The following PLD3 variants were observed in gnomAD, a reference collection of about 807,000 sequenced individuals.
The protein encoded by PLD3 is 5'-3' exonuclease PLD3.
A neutral mutation model predicts 58.4 loss-of-function variants in PLD3; 31 were observed. The ratio of observed to expected loss-of-function variants is 0.53; its 90% confidence interval spans 0.40 to 0.72. The LOEUF (loss-of-function observed/expected upper bound fraction) is 0.72. Ranked by LOEUF, PLD3 falls within the 30% of genes least tolerant of loss-of-function variation. The probability of loss-of-function intolerance (pLI) is 0.00; values close to 1 mark genes in which losing one functional copy is unlikely to be tolerated. For synonymous variants in PLD3, 264 were observed against 273.4 expected, an observed-to-expected ratio of 0.97 and a Z score of 0.34; for missense variants, 595 against 659.8, an observed-to-expected ratio of 0.90 and a Z score of 1.08.
At chr19:40,364,664 C>T (rs945195976) in intron 1 of PLD3, among the ~76,000 whole-genome samples, 1 of 151,736 alleles carries the variant, frequency 6.6e-6, no homozygotes, top group Non-Finnish European at 1.5e-5. Context: ...GGCATGGTGG[C>T]GGGCGCCTGT....
chr19:40,366,691 G>A lies in PLD3; in HGVS notation c.102+7G>A, dbSNP rs773794102. ...GTGGAAGGCTGCGGAAAAGGTAGGAGCCCTCCGCCACCCTCGCTCTGTCTC... is the reference window on the plus strand; with the variant it reads ...GTGGAAGGCTGCGGAAAAGGTAGGAACCCTCCGCCACCCTCGCTCTGTCTC... On this transcript the variant is annotated splice_region_variant and intron_variant, in intron 4 of 12. Coordinates refer to ENST00000409735, the MANE Select transcript of PLD3 (RefSeq NM_012268.4). The A allele has an allele frequency of 1.4e-5, 22 of 1,610,624 alleles. No individual in the cohort carries two copies. Among genetic ancestry groups the A allele is most frequent in the Non-Finnish European group, 1.5e-5 (18 of 1,177,772 alleles).
chr19:40,353,554 T>C (rs952597847), intron 1 of PLD3, among the ~76,000 whole-genome samples: 3 of 152,054 alleles, frequency 2.0e-5, no homozygotes, highest in Non-Finnish European at 4.4e-5. Context: ...AAACTTACCA[T>C]GTTATTATTT....
intron 1 of PLD3, chr19:40,355,802 C>T (rs1359523253): frequency 2.0e-5 from 3 of 151,906 alleles, no homozygotes; most frequent in Non-Finnish European, 4.4e-5. Flanking sequence ...CTGGACCTGC[C>T]GTCATAGGTC....
chr19:40,349,963 A>C (rs1057237842), intron 1 of PLD3, among the ~76,000 whole-genome samples: 42 of 134,610 alleles, frequency 3.1e-4, no homozygotes, highest in African/African-American at 1.2e-3. Flanking sequence ...CGTCTCAAAA[A>C]AAAATAATAA....
chr19:40,373,196 C>T (rs1454205179), intron 9 of PLD3, among the ~76,000 whole-genome samples: 1 of 152,200 alleles, frequency 6.6e-6, no homozygotes, highest in Non-Finnish European at 1.5e-5. Flanking sequence ...GGGTCTTTCA[C>T]TACAAGGGCC....
chr19:40,371,868 C>T lies in PLD3; in HGVS notation c.874C>T (p.Leu292=). Residue 292 remains leucine, a synonymous_variant, in exon 9 of 13, where the codon CTG becomes TTG. Transcript: ENST00000409735. ...CAATGGAACCCCTGCTCTGGCCTAC[C>T]TGGCGGTGAGTCTGGGGCAAGTGGG... ...CLNGTPALAY[L]ASAPPPLCPS... 1.2e-6 allele frequency: 2 copies of T among 1,613,692 alleles called. No individual in the cohort carries two copies. Among genetic ancestry groups the T allele is most frequent in the Non-Finnish European group, 1.7e-6 (2 of 1,179,810 alleles).
chr19:40,366,557 G>A (rs757461243), intron 3 of PLD3, 47 bp downstream of exon 3: 1 of 1,593,978 alleles, frequency 6.3e-7, no homozygotes, highest in South Asian at 1.1e-5. Context: ...GTACAGTGGG[G>A]GTGGGGGTTC....
chr19:40,377,931 GA>G (rs772454335), intron 12 of PLD3, 46 bp downstream of exon 12: 1 of 1,612,682 alleles, frequency 6.2e-7, no homozygotes, highest in South Asian at 1.1e-5. Context: ...AGGGGGTTCA[GA>G]CACCAGGGGC....
In PLD3 at chr19:40,378,039, C is replaced by T; in HGVS notation, c.1339C>T (p.Leu447=). 1 of 1,613,766 alleles carries T rather than the reference C, an allele frequency of 6.2e-7. No individual in the cohort carries two copies. The highest frequency in any genetic ancestry group is 8.5e-7 in the Non-Finnish European group (1 of 1,179,802). The change falls in exon 13 of 13, where the codon CTG becomes TTG. Residue 447 remains leucine, a synonymous_variant. Coordinates refer to ENST00000409735, the MANE Select transcript of PLD3 (RefSeq NM_012268.4). ...YFTETAGTSL[L]VTQNGRGGLR... ...CACGGAGACGGCGGGCACCTCGCTG[C>T]TGGTGACGCAGAATGGGAGGGGCGG...
intron 5 of PLD3, chr19:40,367,429 A>G: frequency 2.7e-6 from 1 of 370,080 alleles, no homozygotes; most frequent in South Asian, 7.3e-5. Context: ...AAAAGTAAAA[A>G]AAGTAACCAG....
rs757965784 is a variant in PLD3 at position 40,371,719 on chromosome 19, G to T, written c.725G>T (p.Arg242Leu). ...VVMYNCSCLA[R>L]DLTKIFEAYW... is the part of the protein sequence containing the mutation. ...ATGTACAACTGCAGCTGCCTGGCTC[G>T]AGACCTGACCAAGATCTTTGAGGCC... The change falls in exon 9 of 13, where the codon CGA (arginine) becomes CTA (leucine). Residue 242 changes from arginine to leucine, a missense_variant. Coordinates refer to ENST00000409735, the MANE Select transcript of PLD3 (RefSeq NM_012268.4). 1 of 1,613,766 alleles carries T rather than the reference G, an allele frequency of 6.2e-7. No individual in the cohort carries two copies. The highest frequency in any genetic ancestry group is 1.7e-5 in the Admixed American group (1 of 59,992).
At chr19:40,371,105 C>T (rs1188943137) in intron 8 of PLD3, among the ~76,000 whole-genome samples, 2 of 152,160 alleles carry the variant, frequency 1.3e-5, no homozygotes, top group Non-Finnish European at 2.9e-5. Context: ...GAGGAATTAG[C>T]GCAAGATGGA....
At chr19:40,356,095 G>A (rs1264632635) in intron 1 of PLD3, 1 of 152,600 alleles carries the variant, frequency 6.6e-6, no homozygotes, top group African/African-American at 2.4e-5. Flanking sequence ...GAGGTGGTAT[G>A]TGAGCGGACA....
At chr19:40,363,001 G>A (rs1358474634) in intron 1 of PLD3, among the ~76,000 whole-genome samples, 1 of 152,082 alleles carries the variant, frequency 6.6e-6, no homozygotes, top group Non-Finnish European at 1.5e-5. Flanking sequence ...CTGGGCTCAA[G>A]CAGTCCTCTC....
At chr19:40,368,915 A>T (rs957697233) in intron 6 of PLD3, among the ~76,000 whole-genome samples, 1 of 151,986 alleles carries the variant, frequency 6.6e-6, no homozygotes, top group Non-Finnish European at 1.5e-5. Context: ...ACATAGCAAG[A>T]CCCTGTCTCA....
chr19:40,355,397 C>T (rs2078630621), intron 1 of PLD3, among the ~76,000 whole-genome samples: 1 of 151,834 alleles, frequency 6.6e-6, no homozygotes, highest in African/African-American at 2.4e-5. Flanking sequence ...ACCGCAACCT[C>T]TGCCTCCCAG....
chr19:40,360,896 C>T (rs2078764906), intron 1 of PLD3, among the ~76,000 whole-genome samples: 1 of 152,142 alleles, frequency 6.6e-6, no homozygotes, highest in Non-Finnish European at 1.5e-5. Flanking sequence ...TGCAAAGATC[C>T]TTTTTCCAAA....
Position 40,350,438 on chromosome 19 carries a change from T to G in PLD3, c.-279+1670T>G, listed in dbSNP as rs556955733. ...CTGCTAGACACTGGGGATACCTCAA[T>G]GAACAATACAGACAAAAATATCTCG... On this transcript the variant is annotated intron_variant, in intron 1 of 12. Coordinates refer to ENST00000409735, the MANE Select transcript of PLD3 (RefSeq NM_012268.4). Among the ~76,000 whole-genome samples, 11 of 151,952 alleles carry G rather than the reference T, an allele frequency of 7.2e-5. No individual in the cohort carries two copies. In the East Asian group the frequency reaches 1.4e-3, roughly 19 times the overall value.
chr19:40,351,705 T>C (rs987871736), intron 1 of PLD3, among the ~76,000 whole-genome samples: 17 of 152,202 alleles, frequency 1.1e-4, no homozygotes, highest in African/African-American at 4.1e-4. Context: ...AGAGACGACA[T>C]TGGAGGGGTG....
Sources: gnomAD v4.1 joint callset for allele counts (sites outside exome capture counted in the v4.1 genomes callset) on GRCh38, gnomAD v4.1.1 for gene constraint, MANE v1.5 for transcripts, NCBI Gene and HGNC (gene_info 2026-07-23, HGNC 2026-07-21) for gene names.